Variants in PAPOLA observed in about 807,000 individuals in gnomAD.
PAPOLA encodes the protein polynucleotide adenylyltransferase alpha.
In PAPOLA, 15 loss-of-function variants were observed where a neutral mutation model predicts 100.6. That is an observed-to-expected ratio of 0.15 (90% CI 0.10 to 0.23). The LOEUF is 0.23. PAPOLA is among the 10% of genes least tolerant of loss of function. The probability of loss-of-function intolerance (pLI) is 1.00; values close to 1 mark genes in which losing one functional copy is unlikely to be tolerated. For synonymous variants in PAPOLA, 293 were observed against 300.0 expected (o/e 0.98, Z 0.24); for missense variants, 533 against 884.2 (o/e 0.60, Z 5.04).
At chr14:96,519,777 C>T (rs1270887553) in intron 1 of PAPOLA, among the ~76,000 whole-genome samples, 1 of 152,170 alleles carries the variant, frequency 6.6e-6, no homozygotes, top group Non-Finnish European at 1.5e-5. Flanking sequence ...TGAAATTTCT[C>T]AGAAGTTTAC....
At chr14:96,509,085 G>T (rs1041873062) in intron 1 of PAPOLA, among the ~76,000 whole-genome samples, 1 of 152,128 alleles carries the variant, frequency 6.6e-6, no homozygotes, top group African/African-American at 2.4e-5. Context: ...AGGCTGGAAT[G>T]CAGTGGTGTG....
At chr14:96,533,774 C>T (rs1036356343) in intron 9 of PAPOLA, 18 of 450,198 alleles carry the variant, frequency 4.0e-5, no homozygotes, top group African/African-American at 1.9e-4. Context: ...AGGATGGTCT[C>T]GATCTCCTGA....
intron 12 of PAPOLA, among the ~76,000 whole-genome samples, chr14:96,538,183 C>T (rs1410673319): frequency 1.3e-5 from 2 of 151,868 alleles, no homozygotes; most frequent in African/African-American, 4.8e-5. Context: ...AAAAGAGACA[C>T]AGTTACATGT....
At chr14:96,524,500 C>G (rs923480850) in intron 3 of PAPOLA, among the ~76,000 whole-genome samples, 2 of 151,934 alleles carry the variant, frequency 1.3e-5, no homozygotes, top group Non-Finnish European at 2.9e-5. Context: ...TTCCCCTTCC[C>G]CTTCCCTTCT....
chr14:96,516,701 C>G (rs1194333575), intron 1 of PAPOLA, among the ~76,000 whole-genome samples: 1 of 152,154 alleles, frequency 6.6e-6, no homozygotes, highest in Admixed American at 6.5e-5. Context: ...GAAAGTAATA[C>G]TGAGGCTAGA....
intron 1 of PAPOLA, among the ~76,000 whole-genome samples, chr14:96,508,502 TC>T (rs752423319): frequency 3.3e-5 from 5 of 152,240 alleles, no homozygotes; most frequent in Non-Finnish European, 7.3e-5. Flanking sequence ...CCTACTCAGT[TC>T]CTATCCCTGA....
At position 96,505,461 on chromosome 14, in the gene PAPOLA, A is replaced by G. The variant is rs151003281; in HGVS notation, c.8+2861A>G. Among the ~76,000 whole-genome samples, 153 of 152,340 alleles carry G rather than the reference A, an allele frequency of 1.0e-3. 1 individual carries two copies. Among genetic ancestry groups the G allele is most frequent in the African/African-American group, 3.4e-3 (141 of 41,582 alleles). ...CAGTTCTGAGTATCACACATATGATAAAAAGGTGTGAAGGAGAGTAACCAG... is the reference window on the plus strand; with the variant it reads ...CAGTTCTGAGTATCACACATATGATGAAAAGGTGTGAAGGAGAGTAACCAG... On this transcript the variant is annotated intron_variant, in intron 1 of 21. Coordinates refer to ENST00000216277, the MANE Select transcript of PAPOLA (RefSeq NM_032632.5).
At chr14:96,515,880 T>C (rs757639215) in intron 1 of PAPOLA, among the ~76,000 whole-genome samples, 1 of 152,212 alleles carries the variant, frequency 6.6e-6, no homozygotes, top group Non-Finnish European at 1.5e-5. Context: ...AATGGGCAGA[T>C]GTCTAGTGCA....
chr14:96,517,107 A>G (rs1235772126), intron 1 of PAPOLA, among the ~76,000 whole-genome samples: 1 of 152,244 alleles, frequency 6.6e-6, no homozygotes, highest in Non-Finnish European at 1.5e-5. Flanking sequence ...TGAAGCTACA[A>G]AAGTATAATT....
chr14:96,525,733 C>T (rs1446875440), intron 4 of PAPOLA, among the ~76,000 whole-genome samples: 1 of 152,032 alleles, frequency 6.6e-6, no homozygotes, highest in African/African-American at 2.4e-5. Context: ...GCCTGGGTGA[C>T]AGAACAAGAC....
intron 2 of PAPOLA, among the ~76,000 whole-genome samples, chr14:96,520,497 T>G (rs1897863654): frequency 6.6e-6 from 1 of 152,132 alleles, no homozygotes; most frequent in Non-Finnish European, 1.5e-5. Flanking sequence ...TGCCTCAGCC[T>G]CTCGAGTAGC....
intron 16 of PAPOLA, among the ~76,000 whole-genome samples, chr14:96,550,961 T>C (rs1032809232): frequency 1.6e-4 from 25 of 152,160 alleles, no homozygotes; most frequent in African/African-American, 6.0e-4. Flanking sequence ...AACTGAGGGG[T>C]TGAGAACCTT....
chr14:96,549,956 C>T (rs1307588381), intron 16 of PAPOLA, among the ~76,000 whole-genome samples: 1 of 152,062 alleles, frequency 6.6e-6, no homozygotes, highest in Admixed American at 6.5e-5. Flanking sequence ...AGTTCAAGAC[C>T]ATCCTGGGCA....
chr14:96,512,040 G>A (rs1897139500), intron 1 of PAPOLA, among the ~76,000 whole-genome samples: 1 of 152,120 alleles, frequency 6.6e-6, no homozygotes, highest in African/African-American at 2.4e-5. Flanking sequence ...GCCCCTTGCT[G>A]CCATTATAGG....
intron 1 of PAPOLA, among the ~76,000 whole-genome samples, chr14:96,516,972 C>T (rs984530918): frequency 6.6e-6 from 1 of 151,894 alleles, no homozygotes; most frequent in Non-Finnish European, 1.5e-5. Flanking sequence ...AGGAATCTTA[C>T]AGTGGATACT....
At chr14:96,559,615 ATGTATATATATATATG>A (rs1901673980) in intron 19 of PAPOLA, among the ~76,000 whole-genome samples, 1 of 147,266 alleles carries the variant, frequency 6.8e-6, no homozygotes, top group African/African-American at 2.5e-5. Context: ...ACATATATAT[ATGTATATATATATATG>A]TGTATATATG....
At chr14:96,544,495 C>G (rs1187162728) in intron 15 of PAPOLA, among the ~76,000 whole-genome samples, 1 of 151,984 alleles carries the variant, frequency 6.6e-6, no homozygotes, top group Admixed American at 6.6e-5. Context: ...TTACACTTAC[C>G]AGTTGAGCAT....
chr14:96,530,204 A>G (rs1898872451), intron 6 of PAPOLA, among the ~76,000 whole-genome samples: 1 of 152,190 alleles, frequency 6.6e-6, no homozygotes, highest in Non-Finnish European at 1.5e-5. Context: ...TTTATAATTC[A>G]TATAGATGAA....
At chr14:96,552,349 A>G in intron 16 of PAPOLA, 131 bp from the exon 17 acceptor site, 1 of 796,334 alleles carries the variant, frequency 1.3e-6, no homozygotes, top group Non-Finnish European at 2.0e-6. Flanking sequence ...TCAGCATGGC[A>G]CATCTAACTT....
Sources: allele counts gnomAD v4.1 joint callset (sites outside exome capture counted in the v4.1 genomes callset), GRCh38; gene constraint gnomAD v4.1.1; transcripts MANE v1.5; gene names NCBI Gene and HGNC (gene_info 2026-07-23, HGNC 2026-07-21).